ZFPM2: variants seen among roughly 807,000 people sequenced by gnomAD.
ZFPM2 encodes the protein zinc finger protein, FOG family member 2.
ZFPM2 carries 20 observed loss-of-function variants against 98.6 expected under a neutral mutation model. That is an observed-to-expected ratio of 0.20 (90% CI 0.14 to 0.29). The LOEUF is 0.29. Ranked by LOEUF, ZFPM2 falls within the 10% of genes least tolerant of loss-of-function variation. ZFPM2 has a pLI of 1.00. For synonymous variants in ZFPM2, 518 were observed against 502.7 expected, an observed-to-expected ratio of 1.03 and a Z score of -0.41; for missense variants, 1,310 against 1,388.6, an observed-to-expected ratio of 0.94 and a Z score of 0.90.
At chr8:105,345,081 G>C (rs140089604) in intron 1 of ZFPM2, among the ~76,000 whole-genome samples, 163 of 152,172 alleles carry the variant, frequency 1.1e-3, no homozygotes, top group African/African-American at 3.6e-3. Context: ...TTATTGATTA[G>C]ACAAGTAATG....
At chr8:105,765,104 T>G (rs1280006230) in intron 5 of ZFPM2, among the ~76,000 whole-genome samples, 1 of 151,836 alleles carries the variant, frequency 6.6e-6, no homozygotes, top group Non-Finnish European at 1.5e-5. Context: ...ACAGGCTTTA[T>G]TTTGTTTTTA....
At chr8:105,556,552 C>T (rs2130682977) in intron 3 of ZFPM2, among the ~76,000 whole-genome samples, 1 of 152,258 alleles carries the variant, frequency 6.6e-6, no homozygotes, top group Admixed American at 6.5e-5. Flanking sequence ...AGTTACTCTT[C>T]TCTCATTCAA....
At chr8:105,506,077 T>C (rs557670846) in intron 3 of ZFPM2, among the ~76,000 whole-genome samples, 1 of 152,256 alleles carries the variant, frequency 6.6e-6, no homozygotes, top group African/African-American at 2.4e-5. Context: ...TGTCACCTCC[T>C]CACAGTATTA....
intron 3 of ZFPM2, among the ~76,000 whole-genome samples, chr8:105,494,152 G>A (rs1420726252): frequency 8.3e-6 from 1 of 121,088 alleles, no homozygotes; most frequent in Non-Finnish European, 1.7e-5. Context: ...CAAATATGTA[G>A]CTTTAGCTCA....
At chr8:105,485,896 A>G (rs2130406764) in intron 3 of ZFPM2, among the ~76,000 whole-genome samples, 1 of 152,230 alleles carries the variant, frequency 6.6e-6, no homozygotes, top group South Asian at 2.1e-4. Flanking sequence ...TTTTTTGTAA[A>G]AATTTAAGGC....
In ZFPM2 at chr8:105,466,567, G is replaced by A. The variant is rs78091322; in HGVS notation, c.301+22186G>A. On this transcript the variant is annotated intron_variant, in intron 3 of 7. Transcript: ENST00000407775. The stretch of plus-strand genomic sequence containing the variant: ...ATGTTCACAAAACATACTTTTCGTT[G>A]TTATTCCCATAGGTCCTTCTATACC... Among the ~76,000 whole-genome samples the A allele has an allele frequency of 1.9e-4, 29 of 152,068 alleles. No individual in the cohort carries two copies. The East Asian group carries it at 5.2e-3, about 27-fold the overall frequency.
chr8:105,444,440 C>A (rs1812326659), intron 3 of ZFPM2, 59 bp downstream of exon 3: 2 of 1,358,896 alleles, frequency 1.5e-6, no homozygotes, highest in East Asian at 5.1e-5. Context: ...ACACATTTTT[C>A]TTTTTTTCTT....
intron 5 of ZFPM2, among the ~76,000 whole-genome samples, chr8:105,733,783 TACTG>T (rs888099233): frequency 2.6e-5 from 4 of 151,892 alleles, no homozygotes; most frequent in African/African-American, 9.7e-5. Flanking sequence ...AGCTGTCACT[TACTG>T]ACTGTCACTC....
At chr8:105,708,796 G>T (rs1811318754) in intron 5 of ZFPM2, among the ~76,000 whole-genome samples, 1 of 152,062 alleles carries the variant, frequency 6.6e-6, no homozygotes, top group Admixed American at 6.6e-5. Context: ...TAGAAACATT[G>T]AGTAGGAAGA....
intron 5 of ZFPM2, among the ~76,000 whole-genome samples, chr8:105,701,240 A>G (rs1811135042): frequency 2.0e-5 from 3 of 152,188 alleles, no homozygotes; most frequent in African/African-American, 4.8e-5. Flanking sequence ...AGGATTTTCT[A>G]CTTGGAAAAA....
intron 5 of ZFPM2, among the ~76,000 whole-genome samples, chr8:105,735,756 T>C (rs550289900): frequency 1.3e-5 from 2 of 152,076 alleles, no homozygotes; most frequent in East Asian, 3.9e-4. Flanking sequence ...AAGTGTGAAT[T>C]TTAAGCTGTG....
intron 4 of ZFPM2, among the ~76,000 whole-genome samples, chr8:105,600,552 G>C (rs1158282482): frequency 2.6e-5 from 4 of 151,756 alleles, no homozygotes; most frequent in Admixed American, 2.0e-4. Flanking sequence ...TCATGAATTT[G>C]CTAACTTATT....
intron 3 of ZFPM2, among the ~76,000 whole-genome samples, chr8:105,452,936 C>T (rs553378707): frequency 6.6e-6 from 1 of 152,112 alleles, no homozygotes; most frequent in South Asian, 2.1e-4. Flanking sequence ...AGAAGTAAAC[C>T]TGTTTTGTTT....
At chr8:105,320,750 TG>T (rs1235291368) in intron 1 of ZFPM2, among the ~76,000 whole-genome samples, 3 of 152,222 alleles carry the variant, frequency 2.0e-5, no homozygotes, top group Non-Finnish European at 4.4e-5. Context: ...TTTCCTTCTA[TG>T]TCCACCTCAT....
At chr8:105,467,282 T>C (rs1030232070) in intron 3 of ZFPM2, among the ~76,000 whole-genome samples, 1 of 152,094 alleles carries the variant, frequency 6.6e-6, no homozygotes, top group African/African-American at 2.4e-5. Context: ...TTTGTCCAAG[T>C]ACTTTATGTC....
At chr8:105,599,922 C>G (rs1476143323) in intron 4 of ZFPM2, among the ~76,000 whole-genome samples, 2 of 152,070 alleles carry the variant, frequency 1.3e-5, no homozygotes, top group Non-Finnish European at 2.9e-5. Context: ...GACTTATCAC[C>G]CCTGCTCTGA....
chr8:105,592,212 T>C (rs777676059), intron 4 of ZFPM2, among the ~76,000 whole-genome samples: 10 of 152,100 alleles, frequency 6.6e-5, no homozygotes, highest in Non-Finnish European at 1.3e-4. Flanking sequence ...GGTAATTGCC[T>C]GGGAATCTTT....
intron 1 of ZFPM2, among the ~76,000 whole-genome samples, chr8:105,359,072 G>A (rs1218295184): frequency 6.6e-6 from 1 of 152,166 alleles, no homozygotes; most frequent in Non-Finnish European, 1.5e-5. Context: ...TAATCCCCAA[G>A]TGTTGAGGGG....
chr8:105,698,934 A>G (rs998174032), intron 5 of ZFPM2, among the ~76,000 whole-genome samples: 4 of 152,078 alleles, frequency 2.6e-5, no homozygotes, highest in African/African-American at 9.7e-5. Flanking sequence ...TCCTTGCTAT[A>G]TTCTTTTGAG....
Sources: allele counts gnomAD v4.1 joint callset (sites outside exome capture counted in the v4.1 genomes callset), GRCh38; gene constraint gnomAD v4.1.1; transcripts MANE v1.5; gene names NCBI Gene and HGNC (gene_info 2026-07-23, HGNC 2026-07-21).